The following EPHB1 variants were observed in gnomAD, a reference collection of about 807,000 sequenced individuals.
The protein encoded by EPHB1 is EPH receptor B1, also known as ephrin type-B receptor 1.
EPHB1 carries 30 observed loss-of-function variants against 94.4 expected under a neutral mutation model. The ratio of observed to expected loss-of-function variants is 0.32; its 90% CI spans 0.24 to 0.43. The LOEUF (loss-of-function observed/expected upper bound fraction) is 0.43. Among genes scored for constraint, EPHB1 ranks in the 20% least tolerant of loss-of-function variants. EPHB1 has a pLI of 1.00. For synonymous variants in EPHB1, 522 were observed against 489.1 expected (o/e 1.07, Z -0.89); for missense variants, 1,055 against 1,308.3 (o/e 0.81, Z 2.99).
intron 3 of EPHB1, among the ~76,000 whole-genome samples, chr3:134,958,777 G>A (rs542413756): frequency 3.9e-5 from 6 of 152,192 alleles, no homozygotes; most frequent in African/African-American, 9.6e-5. Context: ...CTGTGACACC[G>A]GCATGAGCAA....
intron 10 of EPHB1, among the ~76,000 whole-genome samples, chr3:135,185,145 G>T (rs908553736): frequency 1.2e-4 from 19 of 152,332 alleles, no homozygotes; most frequent in Non-Finnish European, 1.9e-4. Context: ...TTCCAGGAAT[G>T]GATGATCATC....
chr3:135,106,467 C>A lies in EPHB1; in HGVS notation c.825C>A (p.Phe275Leu). 6.2e-7 allele frequency: 1 copy of A among 1,614,018 alleles called. No homozygotes were observed. The highest frequency in any genetic ancestry group is 1.1e-5 in the South Asian group (1 of 91,078). Residue 275 changes from phenylalanine (F) to leucine (L), a missense_variant, in exon 4 of 16, where the codon TTC becomes TTA. By Grantham distance (22) the Phe-to-Leu change is conservative. Coordinates refer to ENST00000398015, the MANE Select transcript of EPHB1 (RefSeq NM_004441.5). Reference sequence around the variant, plus strand: ...TTCTAGCTTGCCCTGCAGGGACATTCAAGGCCAGCCAGGAAGCTGAAGGCT... The same window carrying A: ...TTCTAGCTTGCCCTGCAGGGACATTAAAGGCCAGCCAGGAAGCTGAAGGCT... Reference protein sequence around the residue: ...VACKACPAGTFKASQEAEGCS... With the variant: ...VACKACPAGTLKASQEAEGCS...
intron 1 of EPHB1, among the ~76,000 whole-genome samples, chr3:134,823,125 TG>T (rs1439339486): frequency 2.0e-5 from 3 of 152,228 alleles, no homozygotes; most frequent in Admixed American, 2.0e-4. Flanking sequence ...GGCTTTGCCT[TG>T]GGCCTGAGGC....
intron 1 of EPHB1, among the ~76,000 whole-genome samples, chr3:134,877,986 T>C (rs2037652179): frequency 6.6e-6 from 1 of 152,128 alleles, no homozygotes; most frequent in African/African-American, 2.4e-5. Flanking sequence ...CTGGGAGCGG[T>C]GGCTGAGGGA....
At chr3:134,875,193 TCA>T (rs2037591916) in intron 1 of EPHB1, among the ~76,000 whole-genome samples, 1 of 152,194 alleles carries the variant, frequency 6.6e-6, no homozygotes, top group Non-Finnish European at 1.5e-5. Flanking sequence ...GCAGCTCAGC[TCA>T]GAGTCCAGGC....
chr3:134,806,450 T>C (rs190332066), intron 1 of EPHB1, among the ~76,000 whole-genome samples: 82 of 152,302 alleles, frequency 5.4e-4, no homozygotes, highest in Middle Eastern at 3.4e-3. Flanking sequence ...TGAAAAAGTC[T>C]TCAGTTTGTT....
chr3:134,819,542 C>T (rs1487459758), intron 1 of EPHB1, among the ~76,000 whole-genome samples: 1 of 152,154 alleles, frequency 6.6e-6, no homozygotes, highest in Non-Finnish European at 1.5e-5. Context: ...AGATGGATTG[C>T]CTGGTACAGA....
chr3:134,849,146 C>T (rs13090749), intron 1 of EPHB1, among the ~76,000 whole-genome samples: 23,392 of 152,148 alleles, frequency 0.15, 2,300 homozygotes, highest in African/African-American at 0.29. Context: ...TGGAGTTCCA[C>T]GGCCCTTAAC....
At chr3:135,015,636 C>A (rs1322657226) in intron 3 of EPHB1, among the ~76,000 whole-genome samples, 1 of 152,168 alleles carries the variant, frequency 6.6e-6, no homozygotes, top group Non-Finnish European at 1.5e-5. Flanking sequence ...TTTGGCATAC[C>A]CCTGAGAGCA....
At chr3:134,809,346 C>T (rs1028104310) in intron 1 of EPHB1, among the ~76,000 whole-genome samples, 1 of 147,326 alleles carries the variant, frequency 6.8e-6, no homozygotes, top group Admixed American at 7.0e-5. Flanking sequence ...TTCTTCTATT[C>T]CCAGCTAAGC....
chr3:134,804,702 G>T (rs1437653923), intron 1 of EPHB1, among the ~76,000 whole-genome samples: 1 of 152,188 alleles, frequency 6.6e-6, no homozygotes, highest in Non-Finnish European at 1.5e-5. Flanking sequence ...CTTACCCTTG[G>T]CCTGGGGCCA....
intron 1 of EPHB1, among the ~76,000 whole-genome samples, chr3:134,897,303 G>A (rs1369117962): frequency 6.6e-6 from 1 of 151,828 alleles, no homozygotes; most frequent in African/African-American, 2.4e-5. Flanking sequence ...ACTCAGACCT[G>A]AGTCTCCTGG....
chr3:134,979,984 G>T (rs1224008940), intron 3 of EPHB1, among the ~76,000 whole-genome samples: 1 of 152,178 alleles, frequency 6.6e-6, no homozygotes, highest in South Asian at 2.1e-4. Context: ...CACTGCTGGA[G>T]ACCTTAACTG....
At chr3:134,966,149 T>C (rs1178605961) in intron 3 of EPHB1, among the ~76,000 whole-genome samples, 1 of 152,212 alleles carries the variant, frequency 6.6e-6, no homozygotes, top group East Asian at 1.9e-4. Flanking sequence ...TTCACTCTCC[T>C]CCTTCTCTCT....
intron 13 of EPHB1, among the ~76,000 whole-genome samples, chr3:135,243,611 G>A (rs1943847635): frequency 6.6e-6 from 1 of 152,194 alleles, no homozygotes; most frequent in African/African-American, 2.4e-5. Context: ...GCCTGGGAGA[G>A]AGCCAGGAGG....
At chr3:134,797,730 AC>A (rs775107394) in intron 1 of EPHB1, among the ~76,000 whole-genome samples, 14 of 151,436 alleles carry the variant, frequency 9.2e-5, no homozygotes, top group Non-Finnish European at 1.9e-4. Context: ...GGAGCCACTT[AC>A]CCCCGGTGCG....
chr3:135,161,049 G>A (rs571298713), intron 6 of EPHB1, among the ~76,000 whole-genome samples: 2 of 152,258 alleles, frequency 1.3e-5, no homozygotes, highest in East Asian at 1.9e-4. Context: ...CGTTGGGTGG[G>A]GTGGATGGGG....
intron 3 of EPHB1, among the ~76,000 whole-genome samples, chr3:135,047,044 AG>A (rs764735217): frequency 6.6e-6 from 1 of 152,154 alleles, no homozygotes; most frequent in Non-Finnish European, 1.5e-5. Flanking sequence ...GAAGCTGAGG[AG>A]GATAGTGTGT....
chr3:134,801,842 A>G (rs561916826), intron 1 of EPHB1, among the ~76,000 whole-genome samples: 1 of 152,254 alleles, frequency 6.6e-6, no homozygotes, highest in South Asian at 2.1e-4. Context: ...GGTCCCTGAT[A>G]TCTGATGTAT....
Sources: gnomAD v4.1 joint callset for allele counts (sites outside exome capture counted in the v4.1 genomes callset) on GRCh38, gnomAD v4.1.1 for gene constraint, MANE v1.5 for transcripts, NCBI Gene and HGNC (gene_info 2026-07-23, HGNC 2026-07-21) for gene names.